The following CNOT2 variants were observed in gnomAD, a reference collection of about 807,000 sequenced individuals.
The protein encoded by CNOT2 is CCR4-NOT transcription complex subunit 2, also known as CC chemokine receptor 4-negative regulator of transcription 2.
CNOT2 carries 7 observed loss-of-function variants against 72.1 expected under a neutral mutation model. The observed-to-expected ratio is 0.10, with a 90% CI of 0.06 to 0.18. CNOT2 has a LOEUF of 0.18. Among genes scored for constraint, CNOT2 ranks in the 10% least tolerant of loss-of-function variants. CNOT2 has a pLI of 1.00. For missense variants in CNOT2, 345 were observed against 660.3 expected (o/e 0.52, Z 5.23); for synonymous variants, 196 against 225.6 (o/e 0.87, Z 1.17).
At chr12:70,305,216 C>T (rs1022094798) in intron 2 of CNOT2, among the ~76,000 whole-genome samples, 11 of 152,222 alleles carry the variant, frequency 7.2e-5, no homozygotes, top group East Asian at 1.9e-4. Flanking sequence ...GAGATGAACC[C>T]GGTACCTCAG....
At chr12:70,285,101 A>G in intron 2 of CNOT2, among the ~76,000 whole-genome samples, 1 of 152,352 alleles carries the variant, frequency 6.6e-6, no homozygotes, top group Admixed American at 6.5e-5. Context: ...CTTAATCATG[A>G]ATGTGAAATG....
intron 2 of CNOT2, among the ~76,000 whole-genome samples, chr12:70,288,909 C>T (rs1195098108): frequency 6.6e-6 from 1 of 151,980 alleles, no homozygotes; most frequent in Non-Finnish European, 1.5e-5. Context: ...GTTATTTCTG[C>T]GTTTTATTAT....
chr12:70,269,558 C>A (rs1959178446), intron 1 of CNOT2, among the ~76,000 whole-genome samples: 1 of 152,084 alleles, frequency 6.6e-6, no homozygotes, highest in African/African-American at 2.4e-5. Flanking sequence ...AACACGAAGT[C>A]TACTGGTATA....
At chr12:70,283,014 T>A (rs1473225100) in intron 2 of CNOT2, among the ~76,000 whole-genome samples, 1 of 152,180 alleles carries the variant, frequency 6.6e-6, no homozygotes, top group Non-Finnish European at 1.5e-5. Context: ...AACAAATGAA[T>A]CACTAAGTAT....
At chr12:70,281,519 A>G (rs1460983887) in intron 2 of CNOT2, among the ~76,000 whole-genome samples, 1 of 152,144 alleles carries the variant, frequency 6.6e-6, no homozygotes, top group Non-Finnish European at 1.5e-5. Context: ...TTCCCATTTA[A>G]TAATACAACA....
intron 1 of CNOT2, chr12:70,244,385 C>T (rs1336945735): frequency 6.6e-6 from 1 of 152,182 alleles, no homozygotes; most frequent in Admixed American, 6.5e-5. Flanking sequence ...CTTTGTAGTT[C>T]TTCATTGAAG....
chr12:70,302,951 A>G (rs1374175585), intron 2 of CNOT2, among the ~76,000 whole-genome samples: 2 of 152,120 alleles, frequency 1.3e-5, no homozygotes, highest in Admixed American at 1.3e-4. Flanking sequence ...TGTTGAATTG[A>G]TCCCTTTACC....
chr12:70,332,144 A>C (rs1055961454), intron 6 of CNOT2, among the ~76,000 whole-genome samples: 7 of 151,876 alleles, frequency 4.6e-5, no homozygotes, highest in African/African-American at 1.4e-4. Context: ...TGTATTTTTG[A>C]GCACTGAATT....
chr12:70,308,802 T>C (rs997541636), intron 2 of CNOT2, among the ~76,000 whole-genome samples: 2 of 152,186 alleles, frequency 1.3e-5, no homozygotes, highest in Admixed American at 1.3e-4. Flanking sequence ...ATAAGTGTTA[T>C]ACAAACAGTG....
At chr12:70,295,817 A>T (rs1303447318) in intron 2 of CNOT2, among the ~76,000 whole-genome samples, 1 of 152,170 alleles carries the variant, frequency 6.6e-6, no homozygotes, top group Non-Finnish European at 1.5e-5. Flanking sequence ...CTTAGCTTTT[A>T]AAGCTTATAT....
At chr12:70,337,802 G>A (rs775013086) in intron 9 of CNOT2, 2 of 479,286 alleles carry the variant, frequency 4.2e-6, no homozygotes, top group Non-Finnish European at 8.2e-6. Context: ...AGCCTTCTAA[G>A]GAGCTGTGTT....
chr12:70,298,419 G>A (rs544900759), intron 2 of CNOT2, among the ~76,000 whole-genome samples: 2 of 152,138 alleles, frequency 1.3e-5, no homozygotes, highest in Non-Finnish European at 2.9e-5. Context: ...CAGCAAATTG[G>A]TCTGGGTTCA....
chr12:70,267,517 C>T (rs1043354279), intron 1 of CNOT2, among the ~76,000 whole-genome samples: 5 of 152,184 alleles, frequency 3.3e-5, no homozygotes, highest in African/African-American at 7.2e-5. Context: ...GACTCTGTGG[C>T]CAAATAAGGT....
At chr12:70,255,070 T>TA (rs775945985) in intron 1 of CNOT2, among the ~76,000 whole-genome samples, 5 of 151,758 alleles carry the variant, frequency 3.3e-5, no homozygotes, top group Non-Finnish European at 7.4e-5. Flanking sequence ...GTGGGAGTGG[T>TA]AAAAAAAGAT....
chr12:70,353,731 T>C (rs879345896), intron 15 of CNOT2, 98 bp from the exon 16 acceptor site: 30 of 1,515,252 alleles, frequency 2.0e-5, no homozygotes, highest in Admixed American at 6.7e-5. Context: ...TTGATTCATA[T>C]ATATTGGGTA....
intron 2 of CNOT2, among the ~76,000 whole-genome samples, chr12:70,279,902 AAAT>A (rs1302206389): frequency 1.2e-4 from 18 of 152,176 alleles, no homozygotes; most frequent in African/African-American, 4.3e-4. Flanking sequence ...TATTATTTAC[AAAT>A]AATCCAGGTT....
chr12:70,330,700 G>A (rs780082328), intron 6 of CNOT2: 1 of 412,648 alleles, frequency 2.4e-6, no homozygotes, highest in East Asian at 4.0e-5. Flanking sequence ...TGTTAGAAAA[G>A]GATTGTTCTT....
At chr12:70,339,091 T>TACACACACAC (rs1555205817) in intron 11 of CNOT2, among the ~76,000 whole-genome samples, 2 of 138,374 alleles carry the variant, frequency 1.4e-5, no homozygotes, top group African/African-American at 5.6e-5. Context: ...TATATATATA[T>TACACACACAC]ACACACACAC....
chr12:70,310,774 AG>A, intron 2 of CNOT2, 120 bp from the exon 3 acceptor site: 1 of 705,414 alleles, frequency 1.4e-6, no homozygotes, highest in East Asian at 2.7e-5. Flanking sequence ...ACTAGCCATT[AG>A]TTGATCAATT....
Sources: gnomAD v4.1 joint callset for allele counts (sites outside exome capture counted in the v4.1 genomes callset) on GRCh38, gnomAD v4.1.1 for gene constraint, MANE v1.5 for transcripts, NCBI Gene and HGNC (gene_info 2026-07-23, HGNC 2026-07-21) for gene names.